Variants in SMYD3 observed in about 807,000 individuals in gnomAD.
The protein encoded by SMYD3 is histone-lysine N-methyltransferase SMYD3.
In SMYD3, 36 loss-of-function variants were observed where a neutral mutation model predicts 57.7. That is an observed-to-expected ratio of 0.62 (90% CI 0.48 to 0.82). SMYD3 has a LOEUF of 0.82. Ranked by LOEUF, SMYD3 falls within the 40% of genes least tolerant of loss-of-function variation. The probability of loss-of-function intolerance (pLI) is 0.00; values close to 1 mark genes in which losing one functional copy is unlikely to be tolerated. For synonymous variants in SMYD3, 211 were observed against 195.0 expected, an observed-to-expected ratio of 1.08 and a Z score of -0.68; for missense variants, 515 against 538.8, an observed-to-expected ratio of 0.96 and a Z score of 0.44.
intron 10 of SMYD3, among the ~76,000 whole-genome samples, chr1:245,838,142 G>T (rs12083051): frequency 0.07 from 10,686 of 152,222 alleles, 1,287 homozygotes; most frequent in African/African-American, 0.24. Context: ...TATTTCTTTT[G>T]TTCAAAGAAA....
At chr1:246,479,274 T>G (rs577429112) in intron 1 of SMYD3, among the ~76,000 whole-genome samples, 1 of 152,242 alleles carries the variant, frequency 6.6e-6, no homozygotes, top group African/African-American at 2.4e-5. Context: ...GAAGACCTGG[T>G]TCCAGATCCA....
At position 246,180,759 on chromosome 1, in the gene SMYD3, CAAAAAAAAAAAAAAAAAAAAAAAAAA is replaced by C. The variant is rs61346746; in HGVS notation, c.531+146416_531+146441del. Among the ~76,000 whole-genome samples, 4 of 29,242 alleles carry C rather than the reference CAAAAAAAAAAAAAAAAAAAAAAAAAA, an allele frequency of 1.4e-4. No individual in the cohort carries two copies. In the Admixed American group the frequency reaches 2.4e-3, roughly 17 times the overall value. 19.2% of individuals were successfully genotyped at this position (29,242 alleles called of 152,430 possible). A position where few individuals can be genotyped will look rare whatever the true frequency, so the allele number is the denominator to read the frequency against. ...TGGGCAACAGAGCAAGACTCTGTCT[CAAAAAAAAAAAAAAAAAAAAAAAAAA>C]AAAAAAAAAAAACAACTCAGGAGGG... On this transcript the variant is annotated intron_variant, in intron 5 of 11. Coordinates refer to ENST00000490107, the MANE Select transcript of SMYD3 (RefSeq NM_001167740.2).
At chr1:246,121,045 A>G (rs1226694047) in intron 5 of SMYD3, among the ~76,000 whole-genome samples, 4 of 152,236 alleles carry the variant, frequency 2.6e-5, no homozygotes, top group Non-Finnish European at 5.9e-5. Context: ...TCTTGCTTTG[A>G]GAAGGATACA....
intron 5 of SMYD3, among the ~76,000 whole-genome samples, chr1:246,240,225 T>C (rs936636763): frequency 6.6e-6 from 1 of 152,228 alleles, no homozygotes; most frequent in African/African-American, 2.4e-5. Flanking sequence ...TGGTTTTAGG[T>C]CTAACATTTA....
At chr1:246,490,209 T>C (rs1480405726) in intron 1 of SMYD3, among the ~76,000 whole-genome samples, 2 of 152,150 alleles carry the variant, frequency 1.3e-5, no homozygotes, top group Non-Finnish European at 2.9e-5. Context: ...TTCTGGTGAC[T>C]ACACAGAATT....
chr1:246,002,406 G>A (rs111619484), intron 5 of SMYD3, among the ~76,000 whole-genome samples: 2 of 46,748 alleles, frequency 4.3e-5, no homozygotes, highest in African/African-American at 1.3e-4. Context: ...GGATGGTCTC[G>A]ATCTCCTGAC....
At chr1:245,929,143 G>A (rs1306370009) in intron 6 of SMYD3, among the ~76,000 whole-genome samples, 2 of 152,164 alleles carry the variant, frequency 1.3e-5, no homozygotes, top group African/African-American at 4.8e-5. Flanking sequence ...TGGACCAGGT[G>A]GCCTGAACGC....
intron 5 of SMYD3, among the ~76,000 whole-genome samples, chr1:245,959,622 A>G (rs1357314519): frequency 1.3e-5 from 2 of 152,152 alleles, no homozygotes; most frequent in East Asian, 1.9e-4. Context: ...CCCATTGCTC[A>G]CTGTGTTCTC....
Position 246,452,312 on chromosome 1 carries a change from CT to C in SMYD3, c.164+54741del, listed in dbSNP as rs1388950328. 2.6e-5 allele frequency among the ~76,000 whole-genome samples: 4 copies of C among 152,228 alleles called. No homozygotes were observed. The South Asian group carries it at 6.2e-4, about 24-fold the overall frequency. Reference sequence around the variant, plus strand: ...CTTGAGGCTAGGAGTTCGAGACCAGCTTGGCCAACATGGCAGAACCTTGTCT... The same window carrying C: ...CTTGAGGCTAGGAGTTCGAGACCAGCTGGCCAACATGGCAGAACCTTGTCT... On this transcript the variant is annotated intron_variant, in intron 1 of 11. Transcript: ENST00000490107.
chr1:246,195,196 C>G (rs2062812845), intron 5 of SMYD3, among the ~76,000 whole-genome samples: 1 of 152,140 alleles, frequency 6.6e-6, no homozygotes, highest in African/African-American at 2.4e-5. Flanking sequence ...TAAGTTTATG[C>G]TACTGAGGTT....
Position 246,238,539 on chromosome 1 carries a change from A to G in SMYD3, c.531+88662T>C, listed in dbSNP as rs968034160. ...TATATCTATTACTCACTGTAGAACTAAGTATTGTGGAACAGCTCCACAGGG... is the reference window on the plus strand; with the variant it reads ...TATATCTATTACTCACTGTAGAACTGAGTATTGTGGAACAGCTCCACAGGG... On this transcript the variant is annotated intron_variant, in intron 5 of 11. Coordinates refer to ENST00000490107, the MANE Select transcript of SMYD3 (RefSeq NM_001167740.2). 5.9e-5 allele frequency among the ~76,000 whole-genome samples: 9 copies of G among 152,180 alleles called. No homozygotes were observed. The South Asian group carries it at 1.9e-3, about 32-fold the overall frequency.
At chr1:246,162,028 T>G (rs1173279953) in intron 5 of SMYD3, among the ~76,000 whole-genome samples, 1 of 152,164 alleles carries the variant, frequency 6.6e-6, no homozygotes, top group African/African-American at 2.4e-5. Flanking sequence ...AGCTGTGGGT[T>G]CAGTAAGTGA....
intron 8 of SMYD3, among the ~76,000 whole-genome samples, chr1:245,894,009 A>G (rs1247574310): frequency 6.6e-6 from 1 of 152,208 alleles, no homozygotes; most frequent in Non-Finnish European, 1.5e-5. Context: ...ATGGTTGTAG[A>G]GAGAAATGAG....
intron 5 of SMYD3, among the ~76,000 whole-genome samples, chr1:246,211,620 G>C (rs1007495235): frequency 6.6e-6 from 1 of 152,092 alleles, no homozygotes; most frequent in Admixed American, 6.5e-5. Flanking sequence ...ACACAAGAGG[G>C]AGACAAATAA....
At chr1:245,955,848 G>T in intron 5 of SMYD3, 1 of 741,064 alleles carries the variant, frequency 1.3e-6, no homozygotes, top group Non-Finnish European at 1.6e-6. Flanking sequence ...GAATCATACT[G>T]CATTGATGAT....
intron 8 of SMYD3, among the ~76,000 whole-genome samples, chr1:245,912,437 C>T (rs941482270): frequency 1.3e-5 from 2 of 152,068 alleles, no homozygotes; most frequent in Non-Finnish European, 2.9e-5. Flanking sequence ...CTATCCAAAG[C>T]AATCTACAGA....
At chr1:246,162,056 G>A (rs985056059) in intron 5 of SMYD3, among the ~76,000 whole-genome samples, 11 of 152,180 alleles carry the variant, frequency 7.2e-5, no homozygotes, top group South Asian at 4.1e-4. Context: ...GCGTGTGGAC[G>A]TGTACCTGGC....
chr1:245,993,436 A>G (rs1460253996), intron 5 of SMYD3, among the ~76,000 whole-genome samples: 6 of 152,156 alleles, frequency 3.9e-5, no homozygotes, highest in African/African-American at 1.4e-4. Context: ...CGTTTAAAAA[A>G]TTGGTTAAAA....
At chr1:246,131,963 G>A (rs918656943) in intron 5 of SMYD3, among the ~76,000 whole-genome samples, 1 of 152,068 alleles carries the variant, frequency 6.6e-6, no homozygotes, top group African/African-American at 2.4e-5. Context: ...GAAGCACAGG[G>A]GAATGATATC....
Sources: gnomAD v4.1 joint callset for allele counts (sites outside exome capture counted in the v4.1 genomes callset) on GRCh38, gnomAD v4.1.1 for gene constraint, MANE v1.5 for transcripts, NCBI Gene and HGNC (gene_info 2026-07-23, HGNC 2026-07-21) for gene names.